MARK1: variants seen among roughly 807,000 people sequenced by gnomAD.
MARK1 encodes microtubule affinity regulating kinase 1, also known as serine/threonine-protein kinase MARK1.
MARK1 carries 40 observed loss-of-function variants against 96.3 expected under a neutral mutation model. That is an observed-to-expected ratio of 0.42 (90% CI 0.32 to 0.54). The LOEUF (loss-of-function observed/expected upper bound fraction) is 0.54. Among genes scored for constraint, MARK1 ranks in the 20% least tolerant of loss-of-function variants. The probability of loss-of-function intolerance (pLI) is 0.16; values close to 1 mark genes in which losing one functional copy is unlikely to be tolerated. For missense variants in MARK1, 719 were observed against 984.6 expected, an observed-to-expected ratio of 0.73 and a Z score of 3.61; for synonymous variants, 317 against 341.2, an observed-to-expected ratio of 0.93 and a Z score of 0.78.
At chr1:220,531,462 G>A (rs1368378327) in intron 1 of MARK1, among the ~76,000 whole-genome samples, 5 of 152,058 alleles carry the variant, frequency 3.3e-5, no homozygotes, top group East Asian at 1.9e-4. Flanking sequence ...TTGATATTTC[G>A]TTGTCGTTTG....
intron 1 of MARK1, among the ~76,000 whole-genome samples, chr1:220,552,937 T>C (rs1661966957): frequency 1.3e-5 from 2 of 152,172 alleles, no homozygotes; most frequent in Admixed American, 1.3e-4. Flanking sequence ...TTAGCCTTAG[T>C]GAATGTTCAT....
intron 1 of MARK1, among the ~76,000 whole-genome samples, chr1:220,574,920 C>A (rs1328546326): frequency 6.6e-6 from 1 of 152,158 alleles, no homozygotes; most frequent in Non-Finnish European, 1.5e-5. Context: ...TGTGACAGCC[C>A]TACCTTCAGG....
chr1:220,659,060 A>G (rs556509583), intron 17 of MARK1, among the ~76,000 whole-genome samples: 49 of 152,222 alleles, frequency 3.2e-4, no homozygotes, highest in Admixed American at 4.6e-4. Flanking sequence ...TAATAGTTGC[A>G]TTTTTGTCCT....
At chr1:220,596,064 T>C (rs754189167) in intron 3 of MARK1, among the ~76,000 whole-genome samples, 48 of 152,176 alleles carry the variant, frequency 3.2e-4, no homozygotes, top group Non-Finnish European at 6.6e-4. Context: ...ATTGAGTAGG[T>C]ATATATGGAT....
At chr1:220,634,568 G>A (rs149391814) in intron 11 of MARK1, among the ~76,000 whole-genome samples, 170 of 152,278 alleles carry the variant, frequency 1.1e-3, no homozygotes, top group African/African-American at 3.9e-3. Context: ...GAATTATTAT[G>A]TGCTTAAAAA....
chr1:220,541,371 A>G (rs1661135820), intron 1 of MARK1, among the ~76,000 whole-genome samples: 1 of 152,160 alleles, frequency 6.6e-6, no homozygotes, highest in Non-Finnish European at 1.5e-5. Context: ...GTGCTTGAGA[A>G]GAATTTATAT....
rs1219283809 is a variant in MARK1, at chr1:220,599,893, T to C, written c.424+30T>C. On this transcript the variant is annotated intron_variant, in intron 5 of 17. Coordinates refer to ENST00000366917, the MANE Select transcript of MARK1 (RefSeq NM_018650.5). Reference sequence around the variant, plus strand: ...GAATGAGGGTGATTGAAAAGTTCTCTTTGCTGAGACATACAGAAATGTTAA... The same window carrying C: ...GAATGAGGGTGATTGAAAAGTTCTCCTTGCTGAGACATACAGAAATGTTAA... The C allele has an allele frequency of 2.0e-6, 3 of 1,487,392 alleles. No individual in the cohort carries two copies. The South Asian group carries it at 3.5e-5, about 17-fold the overall frequency. 92.1% of individuals were successfully genotyped at this position (1,487,392 alleles called of 1,614,324 possible). A position where few individuals can be genotyped will look rare whatever the true frequency, so the allele number is the denominator to read the frequency against.
intron 4 of MARK1, 117 bp from the exon 5 acceptor site, chr1:220,599,681 T>C (rs546476536): frequency 2.0e-6 from 1 of 495,632 alleles, no homozygotes; most frequent in East Asian, 3.1e-5. Context: ...AAATTGTGAT[T>C]AATAATGTTT....
chr1:220,641,645 A>C (rs115812449), intron 13 of MARK1, among the ~76,000 whole-genome samples: 2,195 of 144,054 alleles, frequency 0.015, 29 homozygotes, highest in Middle Eastern at 0.045. Context: ...GAGTAGAAAC[A>C]ATGCCTGTCT....
rs1416779662 is a variant in MARK1, at chr1:220,541,831, CCATT to C, written c.51+12961_51+12964del. Among the ~76,000 whole-genome samples the C allele has an allele frequency of 3.3e-5, 5 of 152,288 alleles. No homozygotes were observed. The East Asian group carries it at 9.6e-4, about 29-fold the overall frequency. ...TATAGTTGGATGTTATATTTTTAAT[CCATT>C]CAACAATTCTGTCTTTTGATTACAG... On this transcript the variant is annotated intron_variant, in intron 1 of 17. Transcript: ENST00000366917.
At chr1:220,661,044 C>T (rs1341257108) in intron 17 of MARK1, among the ~76,000 whole-genome samples, 2 of 152,150 alleles carry the variant, frequency 1.3e-5, no homozygotes, top group Admixed American at 1.3e-4. Context: ...AAGGAGTTAG[C>T]GTCGCAGCCA....
intron 1 of MARK1, among the ~76,000 whole-genome samples, chr1:220,567,590 G>A (rs1558264097): frequency 6.6e-6 from 1 of 152,044 alleles, no homozygotes; most frequent in Admixed American, 6.6e-5. Context: ...CTCGGATTAG[G>A]CCTGTTTTTC....
At chr1:220,658,931 G>A (rs1049765653) in intron 17 of MARK1, among the ~76,000 whole-genome samples, 27 of 152,136 alleles carry the variant, frequency 1.8e-4, no homozygotes, top group African/African-American at 6.0e-4. Context: ...TGGAGGACTT[G>A]TTCTTAGCCT....
At chr1:220,536,496 CTT>C (rs1660693519) in intron 1 of MARK1, among the ~76,000 whole-genome samples, 1 of 151,432 alleles carries the variant, frequency 6.6e-6, no homozygotes, top group East Asian at 1.9e-4. Flanking sequence ...AGTTTCTAAC[CTT>C]ATCATTTGCA....
chr1:220,570,027 T>A (rs1386399716), intron 1 of MARK1, among the ~76,000 whole-genome samples: 1 of 152,076 alleles, frequency 6.6e-6, no homozygotes, highest in Non-Finnish European at 1.5e-5. Flanking sequence ...CTGAAAAAAA[T>A]TTTACAAACT....
chr1:220,600,036 A>C (rs927463887), intron 5 of MARK1, among the ~76,000 whole-genome samples, 173 bp downstream of exon 5: 23 of 152,154 alleles, frequency 1.5e-4, no homozygotes, highest in African/African-American at 5.1e-4. Context: ...AGACCTTTCG[A>C]TCTTACATTA....
intron 1 of MARK1, among the ~76,000 whole-genome samples, chr1:220,555,341 T>A (rs533412363): frequency 6.6e-6 from 1 of 152,328 alleles, no homozygotes; most frequent in Admixed American, 6.5e-5. Context: ...TTAATTTATG[T>A]CTCAGTTTAT....
intron 3 of MARK1, among the ~76,000 whole-genome samples, chr1:220,583,511 CCAATT>C (rs547139440): frequency 1.8e-3 from 279 of 152,262 alleles, no homozygotes; most frequent in Middle Eastern, 3.4e-3. Context: ...TTAATGGAAT[CCAATT>C]CAATGAGTTT....
At chr1:220,568,090 A>G (rs1412730168) in intron 1 of MARK1, among the ~76,000 whole-genome samples, 3 of 152,136 alleles carry the variant, frequency 2.0e-5, no homozygotes, top group Non-Finnish European at 4.4e-5. Context: ...TGTTTGTTAA[A>G]ATATTGTTAA....
Sources: allele counts gnomAD v4.1 joint callset (sites outside exome capture counted in the v4.1 genomes callset), GRCh38; gene constraint gnomAD v4.1.1; transcripts MANE v1.5; gene names NCBI Gene and HGNC (gene_info 2026-07-23, HGNC 2026-07-21).